Variants in SCEL observed in about 807,000 individuals in gnomAD.
The protein encoded by SCEL is sciellin.
In SCEL, 113 loss-of-function variants were observed where a neutral mutation model predicts 117.6. The observed-to-expected ratio is 0.96, with a 90% CI of 0.83 to 1.12. The LOEUF (loss-of-function observed/expected upper bound fraction) is 1.12, where lower values mean the gene tolerates loss of function less well. SCEL is among the 50% of genes most tolerant of loss of function. The pLI is 0.00. For synonymous variants in SCEL, 270 were observed against 256.2 expected (o/e 1.05, Z -0.51); for missense variants, 785 against 810.8 (o/e 0.97, Z 0.39).
At chr13:77,633,253 G>T (rs890452444) in intron 28 of SCEL, among the ~76,000 whole-genome samples, 1 of 150,348 alleles carries the variant, frequency 6.7e-6, no homozygotes, top group African/African-American at 2.5e-5. Flanking sequence ...TGGCTAACAA[G>T]GTGAAACCCC....
At chr13:77,593,300 G>GTGTGTGTGTGTGTGCGCGCGTC (rs2087020329) in intron 11 of SCEL, among the ~76,000 whole-genome samples, 6 of 145,146 alleles carry the variant, frequency 4.1e-5, no homozygotes, top group African/African-American at 1.5e-4. Flanking sequence ...GTGTGTGTCT[G>GTGTGTGTGTGTGTGCGCGCGTC]TGTGTGTGTG....
chr13:77,585,582 T>C (rs1351347460), intron 9 of SCEL, among the ~76,000 whole-genome samples: 2 of 152,132 alleles, frequency 1.3e-5, no homozygotes, highest in East Asian at 3.9e-4. Flanking sequence ...CCCACCATGC[T>C]TGGTGCTCCA....
chr13:77,624,638 G>A (rs1484627620), intron 27 of SCEL, among the ~76,000 whole-genome samples: 1 of 152,174 alleles, frequency 6.6e-6, no homozygotes, highest in Non-Finnish European at 1.5e-5. Context: ...CCAGGACTGA[G>A]AGCTGTGCAA....
At chr13:77,544,117 A>G (rs1311249549) in intron 1 of SCEL, among the ~76,000 whole-genome samples, 1 of 152,186 alleles carries the variant, frequency 6.6e-6, no homozygotes, top group Non-Finnish European at 1.5e-5. Context: ...CTTAAATGAG[A>G]CAACACCTAT....
chr13:77,599,507 G>A, intron 14 of SCEL, 119 bp downstream of exon 14: 1 of 912,480 alleles, frequency 1.1e-6, no homozygotes, highest in Non-Finnish European at 1.8e-6. Flanking sequence ...GGCAGATGGG[G>A]TAGTGCTCTC....
intron 9 of SCEL, among the ~76,000 whole-genome samples, chr13:77,575,182 C>T (rs547157734): frequency 1.3e-5 from 2 of 152,220 alleles, no homozygotes; most frequent in South Asian, 4.1e-4. Flanking sequence ...AGATTAAAAA[C>T]TTGTGTTGTA....
intron 6 of SCEL, 70 bp from the exon 7 acceptor site, chr13:77,568,225 G>T (rs2085392723): frequency 1.2e-5 from 11 of 949,986 alleles, no homozygotes; most frequent in Non-Finnish European, 1.7e-5. Flanking sequence ...CTAAATTCAG[G>T]AATAATTCCA....
At chr13:77,608,163 G>A in intron 20 of SCEL, 48 bp downstream of exon 20, 1 of 1,430,880 alleles carries the variant, frequency 7.0e-7, no homozygotes, top group Non-Finnish European at 9.7e-7. Context: ...CCATCCATTT[G>A]TGGCACTCAG....
intron 1 of SCEL, among the ~76,000 whole-genome samples, chr13:77,547,069 G>A (rs1170780713): frequency 6.6e-6 from 1 of 152,142 alleles, no homozygotes; most frequent in Non-Finnish European, 1.5e-5. Context: ...AAGAAAGAAG[G>A]GGAGAATGGA....
At chr13:77,565,156 A>G (rs2085217044) in intron 5 of SCEL, among the ~76,000 whole-genome samples, 1 of 152,192 alleles carries the variant, frequency 6.6e-6, no homozygotes, top group Non-Finnish European at 1.5e-5. Context: ...GCCGAGATAC[A>G]GCCTAGGAAT....
At chr13:77,642,205 G>T (rs2154407520) in intron 31 of SCEL, among the ~76,000 whole-genome samples, 1 of 152,094 alleles carries the variant, frequency 6.6e-6, no homozygotes, top group East Asian at 1.9e-4. Flanking sequence ...AGAGCCACAT[G>T]AACTGGTTTA....
At chr13:77,554,723 G>A (rs1179905387) in intron 1 of SCEL, among the ~76,000 whole-genome samples, 1 of 152,160 alleles carries the variant, frequency 6.6e-6, no homozygotes, top group Non-Finnish European at 1.5e-5. Flanking sequence ...GCCTCATTTT[G>A]CAGGGAGGTT....
chr13:77,629,179 C>G (rs144046228), intron 28 of SCEL, among the ~76,000 whole-genome samples: 1 of 152,128 alleles, frequency 6.6e-6, no homozygotes, highest in African/African-American at 2.4e-5. Context: ...GGTGGCATTG[C>G]CGGGCCTCAG....
intron 27 of SCEL, among the ~76,000 whole-genome samples, chr13:77,619,081 A>AT (rs2089261572): frequency 6.6e-6 from 1 of 152,220 alleles, no homozygotes. Context: ...AAATTGTGTC[A>AT]TAATAAATAC....
intron 29 of SCEL, 80 bp from the exon 30 acceptor site, chr13:77,637,040 A>G (rs1594198651): frequency 3.2e-6 from 2 of 629,440 alleles, no homozygotes; most frequent in Middle Eastern, 2.6e-4. Context: ...ATGAGGCTTC[A>G]TGAGGTGGTG....
Position 77,589,165 on chromosome 13 carries a change from A to G in SCEL, c.567A>G (p.Pro189=), listed in dbSNP as rs769100451. ...TRRREPGVHP[P]IPPKPSSPVS... The stretch of plus-strand genomic sequence containing the variant: ...AAAGGGAACCAGGTGTTCACCCTCC[A>G]ATACCTCCAAAGCCCAGTTCTCCTG... Residue 189 remains proline (P), a synonymous_variant, in exon 10 of 33, where the codon CCA becomes CCG. Transcript: ENST00000349847. 4.3e-6 allele frequency: 7 copies of G among 1,612,986 alleles called. No individual in the cohort carries two copies. In the South Asian group the frequency reaches 5.5e-5, roughly 13 times the overall value.
chr13:77,578,005 A>G (rs1366210465), intron 9 of SCEL, among the ~76,000 whole-genome samples: 1 of 152,162 alleles, frequency 6.6e-6, no homozygotes, highest in Non-Finnish European at 1.5e-5. Context: ...ACAAAACACA[A>G]CATATTCACT....
chr13:77,613,823 A>G (rs1420821684), intron 23 of SCEL, 70 bp from the exon 24 acceptor site: 2 of 1,164,330 alleles, frequency 1.7e-6, no homozygotes, highest in African/African-American at 3.0e-5. Flanking sequence ...CTATTGAATG[A>G]CTTGCACCTG....
intron 9 of SCEL, 106 bp from the exon 10 acceptor site, chr13:77,589,038 A>G: frequency 2.5e-6 from 2 of 791,986 alleles, no homozygotes; most frequent in Non-Finnish European, 4.2e-6. Context: ...GGGGGTTGTA[A>G]GATGCAAAGG....
Sources: allele counts gnomAD v4.1 joint callset (sites outside exome capture counted in the v4.1 genomes callset), GRCh38; gene constraint gnomAD v4.1.1; transcripts MANE v1.5; gene names NCBI Gene and HGNC (gene_info 2026-07-23, HGNC 2026-07-21).